COG7: variants seen among roughly 807,000 people sequenced by gnomAD.
COG7 encodes conserved oligomeric Golgi complex subunit 7.
In COG7, 49 loss-of-function variants were observed where a neutral mutation model predicts 91.5. The observed-to-expected ratio is 0.54, with a 90% CI of 0.43 to 0.68. The LOEUF (loss-of-function observed/expected upper bound fraction) is 0.68, where lower values mean the gene tolerates loss of function less well. COG7 is among the 30% of genes least tolerant of loss of function. The pLI is 0.00. For synonymous variants in COG7, 365 were observed against 388.7 expected, an observed-to-expected ratio of 0.94 and a Z score of 0.72; for missense variants, 895 against 961.3, an observed-to-expected ratio of 0.93 and a Z score of 0.91.
At chr16:23,399,211 G>T (rs7187919) in intron 13 of COG7, among the ~76,000 whole-genome samples, 1 of 152,040 alleles carries the variant, frequency 6.6e-6, no homozygotes, top group Non-Finnish European at 1.5e-5. Flanking sequence ...GCTCTCTAGC[G>T]CCCACTTGAT....
chr16:23,410,415 A>G, intron 10 of COG7, 55 bp from the exon 11 acceptor site: 1 of 1,399,258 alleles, frequency 7.1e-7, no homozygotes. Context: ...CAGCCTTTAC[A>G]GGACAAACAT....
At chr16:23,428,544 G>A (rs1963884745) in intron 6 of COG7, among the ~76,000 whole-genome samples, 2 of 151,862 alleles carry the variant, frequency 1.3e-5, no homozygotes, top group Admixed American at 1.3e-4. Context: ...ACCATGATGA[G>A]ATACTACTAC....
Position 23,406,027 on chromosome 16 carries a change from T to C in COG7, c.1662+49A>G, listed in dbSNP as rs373444796. The C allele has an allele frequency of 2.4e-5, 37 of 1,562,400 alleles. No homozygotes were observed. In the African/African-American group the frequency reaches 4.6e-4, roughly 19 times the overall value. ...ACCCAGAGAGGGAGAGGGTGAGTGA[T>C]GAGAAGAAGCCTTTCATTTGCAAGA... On this transcript the variant is annotated intron_variant, in intron 12 of 16. Transcript: ENST00000307149.
intron 7 of COG7, among the ~76,000 whole-genome samples, chr16:23,422,888 C>CA (rs1484747539): frequency 6.7e-6 from 1 of 149,706 alleles, no homozygotes; most frequent in Non-Finnish European, 1.5e-5. Context: ...ACTAAAAATA[C>CA]AAAAAAATTA....
In COG7 at chr16:23,389,061, G is replaced by A. The variant is rs1383152104; in HGVS notation, c.2172C>T (p.Ala724=). The A allele has an allele frequency of 3.1e-6, 5 of 1,613,874 alleles. No homozygotes were observed. Among genetic ancestry groups the A allele is most frequent in the East Asian group, 2.2e-5 (1 of 44,888 alleles). Residue 724 remains alanine (A), a synonymous_variant, in exon 17 of 17, where the codon GCC becomes GCT. Coordinates refer to ENST00000307149, the MANE Select transcript of COG7 (RefSeq NM_153603.4). ...DIDYLINVMD[A]LGLQPSRTLQ... ...GGGTGCGGGACGGCTGCAGGCCCAGGGCATCCATCACGTTGATCAGATAGT... is the reference window on the plus strand; with the variant it reads ...GGGTGCGGGACGGCTGCAGGCCCAGAGCATCCATCACGTTGATCAGATAGT...
chr16:23,410,425 T>C (rs1246474705), intron 10 of COG7, 65 bp from the exon 11 acceptor site: 4 of 1,338,112 alleles, frequency 3.0e-6, no homozygotes, highest in East Asian at 2.4e-5. Context: ...AGGACAAACA[T>C]TGTCTTATTC....
In COG7 at chr16:23,393,233, C is replaced by G. The variant is rs376117507; in HGVS notation, c.2002G>C (p.Gly668Arg). 5.6e-6 allele frequency: 9 copies of G among 1,611,592 alleles called. No homozygotes were observed. The African/African-American group carries it at 1.2e-4, about 22-fold the overall frequency. ...AGKLPFPPEQ[G>R]DELPELDNMA... ...ATCGCCAGAAACGGTCCCCGCTTAC[C>G]CTGCTCAGGAGGAAATGGCAGCTTT... Residue 668 changes from glycine to arginine, a missense_variant and splice_region_variant, in exon 15 of 17, where the codon GGG becomes CGG. Coordinates refer to ENST00000307149, the MANE Select transcript of COG7 (RefSeq NM_153603.4).
At chr16:23,399,196 C>T (rs1480995751) in intron 13 of COG7, among the ~76,000 whole-genome samples, 1 of 152,170 alleles carries the variant, frequency 6.6e-6, no homozygotes, top group African/African-American at 2.4e-5. Context: ...GGCAGCCCTC[C>T]CCGTGCTCTC....
At chr16:23,425,141 C>T (rs1352079911) in intron 6 of COG7, among the ~76,000 whole-genome samples, 194 bp from the exon 7 acceptor site, 1 of 152,134 alleles carries the variant, frequency 6.6e-6, no homozygotes, top group Non-Finnish European at 1.5e-5. Context: ...AAGACCCTGT[C>T]TCTACTAAAA....
intron 13 of COG7, 145 bp downstream of exon 13, chr16:23,403,549 T>C (rs1314524753): frequency 1.1e-6 from 1 of 938,858 alleles, no homozygotes; most frequent in Non-Finnish European, 1.7e-6. Context: ...TGAGGTGAAA[T>C]TGGAAAGTGG....
intron 6 of COG7, 23 bp from the exon 7 acceptor site, chr16:23,424,970 C>A: frequency 6.3e-7 from 1 of 1,577,256 alleles, no homozygotes; most frequent in Non-Finnish European, 8.6e-7. Flanking sequence ...AGAGGTGTAC[C>A]TGCCTTAGCA....
At chr16:23,441,567 T>C (rs760320617) in intron 4 of COG7, among the ~76,000 whole-genome samples, 6 of 152,102 alleles carry the variant, frequency 3.9e-5, no homozygotes, top group Non-Finnish European at 7.4e-5. Flanking sequence ...ACAGCGAGAC[T>C]TCGTCTTAAA....
In COG7 at chr16:23,413,552, A is replaced by G. The variant is rs1019861391; in HGVS notation, c.1305T>C (p.Asp435=). 4 of 1,590,264 alleles carry G rather than the reference A, an allele frequency of 2.5e-6. No individual in the cohort carries two copies. The highest frequency in any genetic ancestry group is 3.5e-6 in the Non-Finnish European group (4 of 1,158,382). The part of the protein sequence containing the change: ...LKSLFAKYVS[D]FTSTLQSIRK... ...GTATGGACTGGAGAGTGCTGGTGAA[A>G]TCAGACACATACCTGCCGGGAAAGG... The change falls in exon 10 of 17, where the codon GAT becomes GAC. Residue 435 remains aspartate, a synonymous_variant. Transcript: ENST00000307149.
chr16:23,445,470 T>C (rs982908862), intron 2 of COG7, among the ~76,000 whole-genome samples: 1 of 152,066 alleles, frequency 6.6e-6, no homozygotes, highest in African/African-American at 2.4e-5. Context: ...CTGGGCAACA[T>C]GGTGAAACCC....
intron 11 of COG7, among the ~76,000 whole-genome samples, chr16:23,407,844 A>G (rs905625258): frequency 6.6e-6 from 1 of 151,848 alleles, no homozygotes; most frequent in Non-Finnish European, 1.5e-5. Context: ...ACAAGTTCCC[A>G]TGGCTGAGAA....
chr16:23,401,590 C>T (rs1963378270), intron 13 of COG7, among the ~76,000 whole-genome samples: 1 of 152,100 alleles, frequency 6.6e-6, no homozygotes, highest in South Asian at 2.1e-4. Flanking sequence ...AGGAGAGAGA[C>T]AAAGAAAGCT....
At chr16:23,449,421 T>C (rs1596961388) in intron 1 of COG7, among the ~76,000 whole-genome samples, 1 of 138,958 alleles carries the variant, frequency 7.2e-6, no homozygotes, top group East Asian at 2.2e-4. Flanking sequence ...TAAAATAAAA[T>C]AAAATAAAAA....
chr16:23,423,606 T>C (rs966690893), intron 7 of COG7, among the ~76,000 whole-genome samples: 2 of 152,170 alleles, frequency 1.3e-5, no homozygotes, highest in African/African-American at 4.8e-5. Flanking sequence ...CCTGTGAGCA[T>C]GCCAAAAACA....
intron 6 of COG7, among the ~76,000 whole-genome samples, chr16:23,429,037 T>C (rs1034616881): frequency 3.3e-5 from 5 of 152,010 alleles, no homozygotes; most frequent in Non-Finnish European, 7.4e-5. Flanking sequence ...TCGCCCAGAC[T>C]GGAGTGCAGT....
Sources: gnomAD v4.1 joint callset for allele counts (sites outside exome capture counted in the v4.1 genomes callset) on GRCh38, gnomAD v4.1.1 for gene constraint, MANE v1.5 for transcripts, NCBI Gene and HGNC (gene_info 2026-07-23, HGNC 2026-07-21) for gene names.